The following GAB4 variants were observed in gnomAD, a reference collection of about 807,000 sequenced individuals.
GAB4 encodes the protein GRB2 associated binding protein family member 4.
A neutral mutation model predicts 51.3 loss-of-function variants in GAB4; 26 were observed. That is an observed-to-expected ratio of 0.51 (90% CI 0.37 to 0.70). The LOEUF (loss-of-function observed/expected upper bound fraction) is 0.70. GAB4 is among the 30% of genes least tolerant of loss of function. GAB4 has a pLI of 0.00. For synonymous variants in GAB4, 329 were observed against 291.2 expected (o/e 1.13, Z -1.32); for missense variants, 759 against 734.6 (o/e 1.03, Z -0.38).
In GAB4 at chr22:16,988,046, G is replaced by A; in HGVS notation, c.600C>T (p.His200=). Residue 200 remains histidine (H), a synonymous_variant, in exon 3 of 10, where the codon CAC becomes CAT. Transcript: ENST00000400588. ...GGATGGGCCAGGTGGGCGGCACACA[G>A]TGAGACACCGGGGGCTCAGATGTGG... ...QEPTSEPPVS[H]CVPPTWPIPA... 6.2e-7 allele frequency: 1 copy of A among 1,608,520 alleles called. No individual in the cohort carries two copies.
intron 4 of GAB4, among the ~76,000 whole-genome samples, chr22:16,969,103 A>G (rs1367726270): frequency 1.3e-5 from 2 of 152,272 alleles, no homozygotes. Context: ...ATATGCAGAT[A>G]TAAAATACTC....
intron 1 of GAB4, among the ~76,000 whole-genome samples, chr22:16,995,808 AC>A (rs1010502363): frequency 6.6e-6 from 1 of 152,190 alleles, no homozygotes; most frequent in African/African-American, 2.4e-5. Flanking sequence ...TCCAAAGATC[AC>A]CAACATCAAA....
At chr22:16,986,625 G>A (rs949807291) in intron 3 of GAB4, among the ~76,000 whole-genome samples, 7 of 152,210 alleles carry the variant, frequency 4.6e-5, no homozygotes, top group African/African-American at 1.7e-4. Context: ...ATATCTGGCC[G>A]ATGCCAAGCC....
chr22:16,987,875 T>G, intron 3 of GAB4, 85 bp downstream of exon 3: 1 of 1,017,474 alleles, frequency 9.8e-7, no homozygotes, highest in East Asian at 2.6e-5. Flanking sequence ...TATGTCTTTC[T>G]CTTTGAAATT....
intron 1 of GAB4, among the ~76,000 whole-genome samples, chr22:16,996,651 T>C (rs896198468): frequency 2.0e-5 from 3 of 152,096 alleles, no homozygotes; most frequent in African/African-American, 7.2e-5. Context: ...TGAGGGCCAA[T>C]ATTCAACATT....
At chr22:16,974,283 T>C (rs1201398350) in intron 3 of GAB4, among the ~76,000 whole-genome samples, 2 of 152,228 alleles carry the variant, frequency 1.3e-5, no homozygotes, top group African/African-American at 2.4e-5. Flanking sequence ...AGAAGCTGCA[T>C]AAAACAGGTA....
chr22:16,971,670 C>A (rs2060733180), intron 3 of GAB4, among the ~76,000 whole-genome samples: 1 of 152,234 alleles, frequency 6.6e-6, no homozygotes. Context: ...GTCTCACACA[C>A]ATGCACATTT....
rs1423097324 is a variant in GAB4 at position 16,964,862 on chromosome 22, G to T, written c.1380C>A (p.Ser460Arg). ...GGGAGGAGCTGGAGTCAAAGGTGTG[G>T]CTGTCATGGGAAGAAGGCAAGGAGT... ...PPVTEPWSGTSHTFDSSSSQH... is the reference protein window; with the variant it reads ...PPVTEPWSGTRHTFDSSSSQH... The change falls in exon 8 of 10, where the codon AGC (serine) becomes AGA (arginine). Residue 460 changes from serine to arginine, a missense_variant and splice_region_variant. Ser to Arg is a moderately radical substitution (Grantham distance 110). This residue lies in a region of GAB4 where 588 missense variants were observed against 510.2 expected (regional missense o/e 1.15). Transcript: ENST00000400588. 10 of 1,612,806 alleles carry T rather than the reference G, an allele frequency of 6.2e-6. No individual in the cohort carries two copies. Among genetic ancestry groups the T allele is most frequent in the Non-Finnish European group, 8.5e-6 (10 of 1,178,878 alleles).
intron 5 of GAB4, 160 bp from the exon 6 acceptor site, chr22:16,966,524 C>T: frequency 1.4e-6 from 1 of 739,150 alleles, no homozygotes; most frequent in South Asian, 2.0e-5. Flanking sequence ...CCACCTGCGG[C>T]CCAGATAGAA....
In GAB4 at chr22:16,992,325, GTGACTT is replaced by G. The variant is rs1290733372; in HGVS notation, c.175-155_175-150del. ...ATTTCCCCAGTTTCAAAGGTGGAGA[GTGACTT>G]TGAATGCATTTTACTGCAGCATCTC... On this transcript the variant is annotated intron_variant, in intron 1 of 9. Coordinates refer to ENST00000400588, the MANE Select transcript of GAB4 (RefSeq NM_001037814.1). 5 of 673,750 alleles carry G rather than the reference GTGACTT, an allele frequency of 7.4e-6. No homozygotes were observed. The East Asian group carries it at 1.3e-4, about 18-fold the overall frequency. The allele number at this position is 673,750 out of a possible 1,614,324, so 41.7% of individuals were successfully genotyped here.
At chr22:16,999,902 A>T (rs566888331) in intron 1 of GAB4, among the ~76,000 whole-genome samples, 1 of 152,276 alleles carries the variant, frequency 6.6e-6, no homozygotes, top group East Asian at 1.9e-4. Context: ...TTATGTACCC[A>T]GTAGTCACTC....
intron 3 of GAB4, among the ~76,000 whole-genome samples, chr22:16,974,686 A>G (rs2060761916): frequency 6.6e-6 from 1 of 152,242 alleles, no homozygotes; most frequent in Admixed American, 6.5e-5. Context: ...TTAAATAAAT[A>G]AACACTTTAA....
intron 1 of GAB4, among the ~76,000 whole-genome samples, chr22:16,997,522 T>C (rs983077037): frequency 2.5e-4 from 38 of 152,242 alleles, no homozygotes; most frequent in Non-Finnish European, 4.4e-4. Context: ...TTAAGTTCTT[T>C]GTAGATTCTG....
chr22:16,985,246 C>T (rs2060858050), intron 3 of GAB4, among the ~76,000 whole-genome samples: 1 of 152,200 alleles, frequency 6.6e-6, no homozygotes, highest in African/African-American at 2.4e-5. Flanking sequence ...AGTTAACATA[C>T]TTATTTTAAA....
At chr22:16,977,161 A>G (rs1182618120) in intron 3 of GAB4, among the ~76,000 whole-genome samples, 1 of 152,242 alleles carries the variant, frequency 6.6e-6, no homozygotes, top group Non-Finnish European at 1.5e-5. Context: ...GATCAAATTC[A>G]CACATAACAA....
At chr22:16,995,079 T>C (rs1266440183) in intron 1 of GAB4, among the ~76,000 whole-genome samples, 1 of 152,236 alleles carries the variant, frequency 6.6e-6, no homozygotes, top group Non-Finnish European at 1.5e-5. Context: ...ATTCATCCTA[T>C]AAACGCCTTG....
chr22:16,973,188 T>C (rs28663120), intron 3 of GAB4, among the ~76,000 whole-genome samples: 51,802 of 152,038 alleles, frequency 0.34, 9,267 homozygotes, highest in South Asian at 0.46. Context: ...CAGCAGCAAA[T>C]TGCTATCTGA....
chr22:17,003,913 G>T (rs184571421), intron 1 of GAB4, among the ~76,000 whole-genome samples: 7 of 151,970 alleles, frequency 4.6e-5, no homozygotes, highest in African/African-American at 1.7e-4. Context: ...TAGATAGACC[G>T]CTAGCCAGAC....
chr22:16,966,087 G>C lies in GAB4; in HGVS notation c.1288+13C>G, dbSNP rs1222745167. Reference sequence around the variant, plus strand: ...CTGGACATTGTCAAGAAATAGAATGGGGAAAGACTTACCCTTCTGGTTAGG... The same window carrying C: ...CTGGACATTGTCAAGAAATAGAATGCGGAAAGACTTACCCTTCTGGTTAGG... On this transcript the variant is annotated intron_variant, in intron 6 of 9. Transcript: ENST00000400588. 1.2e-6 allele frequency: 2 copies of C among 1,612,702 alleles called. No homozygotes were observed. The highest frequency in any genetic ancestry group is 1.7e-6 in the Non-Finnish European group (2 of 1,179,302).
Sources: gnomAD v4.1 joint callset for allele counts (sites outside exome capture counted in the v4.1 genomes callset) on GRCh38, gnomAD v4.1.1 for gene constraint, gnomAD v4.1.1 regional missense constraint, MANE v1.5 for transcripts, NCBI Gene and HGNC (gene_info 2026-07-23, HGNC 2026-07-21) for gene names.